ANKRD55: variants seen among roughly 807,000 people sequenced by gnomAD.
The protein encoded by ANKRD55 is ankyrin repeat domain 55, also known as ankyrin repeat domain-containing protein 55.
ANKRD55 carries 41 observed loss-of-function variants against 60.6 expected under a neutral mutation model. That is an observed-to-expected ratio of 0.68 (90% confidence interval 0.53 to 0.88). The LOEUF is 0.88. ANKRD55 is among the 40% of genes least tolerant of loss of function. The pLI is 0.00. For synonymous variants in ANKRD55, 264 were observed against 290.3 expected (o/e 0.91, Z 0.92); for missense variants, 732 against 767.6 (o/e 0.95, Z 0.55).
chr5:56,127,677 T>C (rs1757310103), intron 7 of ANKRD55: 1 of 561,566 alleles, frequency 1.8e-6, no homozygotes, highest in Middle Eastern at 9.0e-4. Flanking sequence ...CAGTCTTGTA[T>C]CAGACTTCGT....
At chr5:56,203,126 A>C (rs937499113) in intron 2 of ANKRD55, among the ~76,000 whole-genome samples, 1 of 152,102 alleles carries the variant, frequency 6.6e-6, no homozygotes, top group Non-Finnish European at 1.5e-5. Flanking sequence ...CTGATGTTAA[A>C]ATATTATGTC....
chr5:56,143,463 C>G (rs537052154), intron 7 of ANKRD55, among the ~76,000 whole-genome samples: 4 of 152,236 alleles, frequency 2.6e-5, no homozygotes, highest in African/African-American at 9.6e-5. Context: ...AGAAGAGAGT[C>G]AGAGAGTCAT....
intron 8 of ANKRD55, 120 bp from the exon 9 acceptor site, chr5:56,116,902 A>C: frequency 4.6e-6 from 5 of 1,081,068 alleles, no homozygotes; most frequent in Non-Finnish European, 6.5e-6. Flanking sequence ...GTTGCCATTT[A>C]CAGTATAGAA....
intron 10 of ANKRD55, among the ~76,000 whole-genome samples, chr5:56,104,545 C>T (rs1054698475): frequency 2.0e-5 from 3 of 152,072 alleles, no homozygotes; most frequent in African/African-American, 7.2e-5. Context: ...GTGCTGCAGG[C>T]AACTCCAGGG....
chr5:56,103,342 C>A (rs568848481), intron 10 of ANKRD55, among the ~76,000 whole-genome samples: 1 of 152,216 alleles, frequency 6.6e-6, no homozygotes, highest in Admixed American at 6.5e-5. Flanking sequence ...GAAAAATCAG[C>A]AAGCACAGAT....
intron 2 of ANKRD55, among the ~76,000 whole-genome samples, chr5:56,202,325 A>G (rs1759399334): frequency 6.6e-6 from 1 of 152,216 alleles, no homozygotes; most frequent in Non-Finnish European, 1.5e-5. Flanking sequence ...AAGAAAAAAA[A>G]AAACAAAGTG....
intron 5 of ANKRD55, chr5:56,161,870 A>G (rs1231808410): frequency 1.8e-6 from 1 of 554,782 alleles, no homozygotes; most frequent in Admixed American, 6.4e-5. Context: ...CTTTGGTAGG[A>G]AGACATATAA....
intron 7 of ANKRD55, among the ~76,000 whole-genome samples, chr5:56,142,522 T>TACCTGGG (rs1757799565): frequency 6.6e-6 from 1 of 152,204 alleles, no homozygotes; most frequent in Admixed American, 6.5e-5. Flanking sequence ...CAGTCAGAAT[T>TACCTGGG]ACCTGGGGAG....
At chr5:56,123,483 G>A (rs1404259886) in intron 8 of ANKRD55, among the ~76,000 whole-genome samples, 1 of 152,154 alleles carries the variant, frequency 6.6e-6, no homozygotes, top group Non-Finnish European at 1.5e-5. Flanking sequence ...ATATTTGAAT[G>A]TGGCAGATGT....
At chr5:56,149,302 T>C (rs309622) in intron 6 of ANKRD55, among the ~76,000 whole-genome samples, 92,767 of 151,944 alleles carry the variant, frequency 0.61, 28,553 homozygotes, top group Non-Finnish European at 0.64. Flanking sequence ...TAGGAAGGGC[T>C]GCTAATAACG....
intron 3 of ANKRD55, 23 bp from the exon 4 acceptor site, chr5:56,176,305 C>T: frequency 6.2e-7 from 1 of 1,614,038 alleles, no homozygotes; most frequent in South Asian, 1.1e-5. Context: ...ATTTCAACAG[C>T]CTTTAAACAT....
intron 2 of ANKRD55, among the ~76,000 whole-genome samples, chr5:56,227,617 CT>C (rs10567262): frequency 0.022 from 3,264 of 147,830 alleles, 35 homozygotes; most frequent in African/African-American, 0.04. Flanking sequence ...CCATTGATGT[CT>C]TTTTTTTTTT....
intron 2 of ANKRD55, among the ~76,000 whole-genome samples, chr5:56,216,227 G>T (rs1296752585): frequency 6.6e-6 from 1 of 151,974 alleles, no homozygotes; most frequent in Non-Finnish European, 1.5e-5. Context: ...TATTGTAATT[G>T]TTTTGGGTCC....
At chr5:56,120,608 GA>G (rs1034986903) in intron 8 of ANKRD55, among the ~76,000 whole-genome samples, 19 of 152,152 alleles carry the variant, frequency 1.2e-4, no homozygotes, top group African/African-American at 4.3e-4. Context: ...TTCAATGGAC[GA>G]GGTGGGACAG....
At chr5:56,217,508 C>A (rs142733424) in intron 2 of ANKRD55, among the ~76,000 whole-genome samples, 1 of 151,760 alleles carries the variant, frequency 6.6e-6, no homozygotes, top group Non-Finnish European at 1.5e-5. Flanking sequence ...TGGATCTGGG[C>A]AAAGTAAATT....
At chr5:56,189,000 T>C in intron 2 of ANKRD55, among the ~76,000 whole-genome samples, 1 of 152,144 alleles carries the variant, frequency 6.6e-6, no homozygotes, top group East Asian at 1.9e-4. Context: ...CAGTGTCATA[T>C]TGAGGTCTAT....
In ANKRD55 at chr5:56,215,699, C is replaced by T. The variant is rs530939493; in HGVS notation, c.58+17157G>A. On this transcript the variant is annotated intron_variant, in intron 2 of 11. Coordinates refer to ENST00000341048, the MANE Select transcript of ANKRD55 (RefSeq NM_024669.3). ...TAACATGACAGCCTTGTCCTTTGTC[C>T]TGTGTGTCCTTGGGCAAGTTATGTA... Among the ~76,000 whole-genome samples the T allele has an allele frequency of 4.5e-4, 69 of 152,288 alleles. No homozygotes were observed. The South Asian group carries it at 0.011, about 25-fold the overall frequency.
intron 7 of ANKRD55, among the ~76,000 whole-genome samples, chr5:56,139,817 A>C (rs1247069593): frequency 6.6e-6 from 1 of 152,138 alleles, no homozygotes; most frequent in Non-Finnish European, 1.5e-5. Flanking sequence ...TCATGCCTGT[A>C]ATCCCGACAC....
intron 8 of ANKRD55, among the ~76,000 whole-genome samples, chr5:56,122,528 G>A (rs552476055): frequency 4.7e-4 from 72 of 151,588 alleles, no homozygotes; most frequent in Non-Finnish European, 9.1e-4. Flanking sequence ...GCATGGTGGC[G>A]CACACCTGTA....
Sources: gnomAD v4.1 joint callset for allele counts (sites outside exome capture counted in the v4.1 genomes callset) on GRCh38, gnomAD v4.1.1 for gene constraint, MANE v1.5 for transcripts, NCBI Gene and HGNC (gene_info 2026-07-23, HGNC 2026-07-21) for gene names.